The following RASGRP3 variants were observed in gnomAD, a reference collection of about 807,000 sequenced individuals.
RASGRP3 encodes ras guanyl-releasing protein 3.
In RASGRP3, 54 loss-of-function variants were observed where a neutral mutation model predicts 82.7. That is an observed-to-expected ratio of 0.65 (90% CI 0.52 to 0.82). RASGRP3 has a LOEUF of 0.82. RASGRP3 is among the 40% of genes least tolerant of loss of function. The pLI is 0.00. For synonymous variants in RASGRP3, 309 were observed against 300.5 expected, an observed-to-expected ratio of 1.03 and a Z score of -0.29; for missense variants, 861 against 828.9, an observed-to-expected ratio of 1.04 and a Z score of -0.48.
chr2:33,550,635 G>A (rs960417443), intron 14 of RASGRP3, among the ~76,000 whole-genome samples: 1 of 152,198 alleles, frequency 6.6e-6, no homozygotes, highest in Non-Finnish European at 1.5e-5. Flanking sequence ...ACCCAGAGGA[G>A]TATGACAATC....
intron 1 of RASGRP3, among the ~76,000 whole-genome samples, chr2:33,490,906 T>G (rs2150958628): frequency 6.6e-6 from 1 of 152,358 alleles, no homozygotes; most frequent in African/African-American, 2.4e-5. Context: ...GAGACGTATT[T>G]GTTGAGCCAG....
chr2:33,562,039 TATAC>T (rs1231870018), intron 17 of RASGRP3, among the ~76,000 whole-genome samples: 1 of 152,194 alleles, frequency 6.6e-6, no homozygotes, highest in Non-Finnish European at 1.5e-5. Context: ...ATATATGTAA[TATAC>T]ATAGTCATAC....
At chr2:33,499,267 T>C (rs1574347650) in intron 1 of RASGRP3, among the ~76,000 whole-genome samples, 2 of 152,084 alleles carry the variant, frequency 1.3e-5, no homozygotes, top group East Asian at 3.9e-4. Flanking sequence ...TATACAGTGA[T>C]TGAAACCCCA....
At chr2:33,549,801 A>G (rs758571840) in intron 14 of RASGRP3, 50 bp downstream of exon 14, 1 of 1,557,186 alleles carries the variant, frequency 6.4e-7, no homozygotes, top group Non-Finnish European at 8.7e-7. Flanking sequence ...TTTGTGTGGC[A>G]TTCTGAAAAA....
At chr2:33,491,765 G>A (rs1668863144) in intron 1 of RASGRP3, among the ~76,000 whole-genome samples, 1 of 152,226 alleles carries the variant, frequency 6.6e-6, no homozygotes, top group Admixed American at 6.5e-5. Context: ...TTATATAATT[G>A]TCTATGCAGC....
chr2:33,528,042 C>G (rs530161804), intron 10 of RASGRP3, among the ~76,000 whole-genome samples: 112 of 152,300 alleles, frequency 7.4e-4, no homozygotes, highest in African/African-American at 2.5e-3. Flanking sequence ...AGAATCCCAT[C>G]CCAACCCATC....
In RASGRP3 at chr2:33,544,907, A is replaced by G. The variant is rs532252576; in HGVS notation, c.1394+1280A>G. Among the ~76,000 whole-genome samples the G allele has an allele frequency of 2.3e-3, 344 of 152,336 alleles. 2 individuals are homozygous for G. Among genetic ancestry groups the G allele is most frequent in the African/African-American group, 7.7e-3 (319 of 41,584 alleles). ...CCAAGAAAAGTCTTGACACATTAAC[A>G]TAACTTAAAATCTTAAATTCATCTT... On this transcript the variant is annotated intron_variant, in intron 13 of 17. Coordinates refer to ENST00000403687, the MANE Select transcript of RASGRP3 (RefSeq NM_001139488.2).
At chr2:33,543,776 T>G in intron 13 of RASGRP3, 149 bp downstream of exon 13, 1 of 628,170 alleles carries the variant, frequency 1.6e-6, no homozygotes, top group Non-Finnish European at 2.8e-6. Context: ...CTGATTATTT[T>G]CTTGGTGTGT....
In RASGRP3 at chr2:33,537,317, CA is replaced by C. The variant is rs1426712252; in HGVS notation, c.1162-1776del. On this transcript the variant is annotated intron_variant, in intron 11 of 17. Transcript: ENST00000403687. ...CCTGTCTCTAAAATACACACACACA[CA>C]CACCGCCCCCCCCACACACACACAC... 3.6e-3 allele frequency among the ~76,000 whole-genome samples: 168 copies of C among 46,952 alleles called. 3 individuals are homozygous for C. Among genetic ancestry groups the C allele is most frequent in the African/African-American group, 0.022 (165 of 7,366 alleles). The allele number at this position is 46,952 out of a possible 152,430, so 30.8% of individuals were successfully genotyped here.
At position 33,520,746 on chromosome 2, in the gene RASGRP3, G is replaced by C. The variant is rs549567859; in HGVS notation, c.368+62G>C. 53 of 1,591,064 alleles carry C rather than the reference G, an allele frequency of 3.3e-5. No individual in the cohort carries two copies. The African/African-American group carries it at 7.0e-4, about 21-fold the overall frequency. On this transcript the variant is annotated intron_variant, in intron 6 of 17. Coordinates refer to ENST00000403687, the MANE Select transcript of RASGRP3 (RefSeq NM_001139488.2). ...TCCACCACTTAGGGGAGGAAGTAGT[G>C]ATCACCCCACTTGTTCTGAGTCCAT...
chr2:33,436,568 C>T (rs1347385960), exon 1 of RASGRP3: 1 of 152,182 alleles, frequency 6.6e-6, no homozygotes, highest in African/African-American at 2.4e-5. Context: ...CTATAGGGAT[C>T]AACATTATTG....
chr2:33,500,805 G>A (rs377581601), intron 1 of RASGRP3, among the ~76,000 whole-genome samples: 29 of 152,150 alleles, frequency 1.9e-4, no homozygotes, highest in South Asian at 1.2e-3. Context: ...ATGGTGGCGC[G>A]CACCTGTAAT....
intron 13 of RASGRP3, among the ~76,000 whole-genome samples, chr2:33,547,685 G>A (rs1674935135): frequency 6.6e-6 from 1 of 152,108 alleles, no homozygotes; most frequent in Non-Finnish European, 1.5e-5. Context: ...ACTGTAAGCT[G>A]GAGTCTCGAT....
At chr2:33,464,887 A>G (rs1273719825) in intron 2 of RASGRP3, among the ~76,000 whole-genome samples, 1 of 152,116 alleles carries the variant, frequency 6.6e-6, no homozygotes, top group Non-Finnish European at 1.5e-5. Flanking sequence ...CTGCTCTACA[A>G]ACTGGCCATT....
chr2:33,496,115 G>T (rs929883719), intron 1 of RASGRP3, among the ~76,000 whole-genome samples: 2 of 152,216 alleles, frequency 1.3e-5, no homozygotes, highest in Non-Finnish European at 2.9e-5. Flanking sequence ...GGCTAAATCT[G>T]TTTATAACCT....
intron 15 of RASGRP3, 109 bp downstream of exon 15, chr2:33,555,676 C>A: frequency 1.0e-6 from 1 of 1,001,722 alleles, no homozygotes. Flanking sequence ...GAATTTCAGT[C>A]TTTTGGGTCA....
At chr2:33,468,556 C>T (rs985507774) in intron 2 of RASGRP3, among the ~76,000 whole-genome samples, 2 of 152,124 alleles carry the variant, frequency 1.3e-5, no homozygotes, top group African/African-American at 4.8e-5. Flanking sequence ...TGCACACCAC[C>T]ATGCCGGGAT....
At chr2:33,474,509 G>T (rs1228700538), upstream of RASGRP3, among the ~76,000 whole-genome samples, 1 of 152,080 alleles carries the variant, frequency 6.6e-6, no homozygotes, top group African/African-American at 2.4e-5. Context: ...TGCCATGTTG[G>T]CCAGGCTGGT....
At chr2:33,455,846 G>T (rs573230311) in intron 2 of RASGRP3, among the ~76,000 whole-genome samples, 18 of 152,156 alleles carry the variant, frequency 1.2e-4, no homozygotes, top group African/African-American at 3.6e-4. Flanking sequence ...CACCTCCTGG[G>T]GGGAGGAAGA....
Sources: gnomAD v4.1 joint callset for allele counts (sites outside exome capture counted in the v4.1 genomes callset) on GRCh38, gnomAD v4.1.1 for gene constraint, MANE v1.5 for transcripts, NCBI Gene and HGNC (gene_info 2026-07-23, HGNC 2026-07-21) for gene names.